The following RIGI variants were observed in gnomAD, a reference collection of about 807,000 sequenced individuals.
RIGI encodes antiviral innate immune response receptor RIG-I.
chr9:32,476,298 C>T, the RIGI span, among the ~76,000 whole-genome samples: 1 of 152,070 alleles, frequency 6.6e-6, no homozygotes, highest in Non-Finnish European at 1.5e-5. Flanking sequence ...GAATTCAAGA[C>T]CAGTCTAGGC....
chr9:32,523,936 C>G, the RIGI span, among the ~76,000 whole-genome samples: 7 of 151,930 alleles, frequency 4.6e-5, no homozygotes, highest in Admixed American at 3.9e-4. Flanking sequence ...TTCTGGATAC[C>G]TGGAACACTC....
the RIGI span, chr9:32,489,306 A>G: frequency 5.4e-6 from 8 of 1,471,268 alleles, no homozygotes; most frequent in Non-Finnish European, 7.5e-6. Context: ...AAAAGGAAGC[A>G]AACAGAAAAA....
chr9:32,458,709 C>T, the RIGI span, among the ~76,000 whole-genome samples: 1 of 152,118 alleles, frequency 6.6e-6, no homozygotes, highest in Non-Finnish European at 1.5e-5. Context: ...TCTGCATACC[C>T]TTTACCCAGT....
At chr9:32,523,280 C>G in the RIGI span, among the ~76,000 whole-genome samples, 3 of 152,160 alleles carry the variant, frequency 2.0e-5, no homozygotes, top group Non-Finnish European at 4.4e-5. Flanking sequence ...TGCACCCACT[C>G]TCATTGTTTC....
At chr9:32,516,912 C>T in the RIGI span, among the ~76,000 whole-genome samples, 40 of 152,230 alleles carry the variant, frequency 2.6e-4, no homozygotes, top group East Asian at 5.0e-3. Context: ...GGACACTGTT[C>T]GGGCTTGTCT....
At chr9:32,477,876 G>A in the RIGI span, among the ~76,000 whole-genome samples, 7 of 152,002 alleles carry the variant, frequency 4.6e-5, no homozygotes, top group African/African-American at 1.4e-4. Flanking sequence ...AGTGAGCCAA[G>A]ATCTCACCAC....
chr9:32,487,075 T>C, the RIGI span, among the ~76,000 whole-genome samples: 1 of 152,202 alleles, frequency 6.6e-6, no homozygotes, highest in African/African-American at 2.4e-5. Flanking sequence ...ATTCAGATCA[T>C]TCCATTTCAA....
chr9:32,465,651 A>C, the RIGI span, among the ~76,000 whole-genome samples: 2 of 152,206 alleles, frequency 1.3e-5, no homozygotes, highest in Admixed American at 1.3e-4. Context: ...ACATCTTGCA[A>C]CTGATAGAAC....
chr9:32,481,518 AG>A, the RIGI span: 1 of 1,447,812 alleles, frequency 6.9e-7, no homozygotes, highest in Non-Finnish European at 9.4e-7. Context: ...AAAAAAAAAA[AG>A]TTTTTCACTG....
At chr9:32,514,761 G>T in the RIGI span, among the ~76,000 whole-genome samples, 2 of 152,068 alleles carry the variant, frequency 1.3e-5, no homozygotes. Context: ...ACTTACCTTT[G>T]TGGACAAATT....
At chr9:32,489,989 C>A in the RIGI span, among the ~76,000 whole-genome samples, 1 of 152,236 alleles carries the variant, frequency 6.6e-6, no homozygotes, top group African/African-American at 2.4e-5. Flanking sequence ...TAAGAGCTAG[C>A]AAAGACTTTG....
the RIGI span, among the ~76,000 whole-genome samples, chr9:32,469,197 A>G: frequency 6.6e-6 from 1 of 152,042 alleles, no homozygotes; most frequent in Non-Finnish European, 1.5e-5. Flanking sequence ...AAGTGAGCAG[A>G]GCCCCCACCC....
the RIGI span, chr9:32,487,835 T>C: frequency 3.6e-6 from 5 of 1,381,124 alleles, no homozygotes; most frequent in Admixed American, 8.4e-5. Context: ...AGTTGTACAA[T>C]ATGGACTTGG....
the RIGI span, among the ~76,000 whole-genome samples, chr9:32,518,332 G>A: frequency 1.3e-5 from 2 of 150,778 alleles, no homozygotes; most frequent in African/African-American, 2.4e-5. Context: ...AATTTTGTAT[G>A]ACAAAGCATC....
the RIGI span, among the ~76,000 whole-genome samples, chr9:32,508,033 G>A: frequency 3.3e-5 from 5 of 151,564 alleles, no homozygotes; most frequent in Admixed American, 3.3e-4. Context: ...CTCCTCTCAA[G>A]AACAACAAAA....
At chr9:32,459,840 AC>A in the RIGI span, among the ~76,000 whole-genome samples, 1 of 152,216 alleles carries the variant, frequency 6.6e-6, no homozygotes, top group African/African-American at 2.4e-5. Flanking sequence ...GGGAAAAAAA[AC>A]AAAACCTGTA....
chr9:32,524,794 G>A, the RIGI span, among the ~76,000 whole-genome samples: 1 of 151,552 alleles, frequency 6.6e-6, no homozygotes, highest in Non-Finnish European at 1.5e-5. Context: ...GTAGAGACGG[G>A]GTTTCACCAT....
chr9:32,457,542 T>C, the RIGI span: 1 of 834,028 alleles, frequency 1.2e-6, no homozygotes, highest in Non-Finnish European at 1.7e-6. Flanking sequence ...TGGGTCTCAC[T>C]TATTTTACAA....
the RIGI span, chr9:32,456,974 A>G: frequency 3.2e-6 from 2 of 629,184 alleles, no homozygotes; most frequent in East Asian, 5.5e-5. Context: ...TGTGCTTTGC[A>G]TATATAATAT....
Sources: gnomAD v4.1 joint callset for allele counts (sites outside exome capture counted in the v4.1 genomes callset) on GRCh38, gnomAD v4.1.1 for gene constraint, MANE v1.5 for transcripts, NCBI Gene and HGNC (gene_info 2026-07-23, HGNC 2026-07-21) for gene names.